The following SPRED2 variants were observed in gnomAD, a reference collection of about 807,000 sequenced individuals.
The protein encoded by SPRED2 is sprouty related EVH1 domain containing 2, also known as sprouty-related, EVH1 domain-containing protein 2.
In SPRED2, 47 loss-of-function variants were observed where a neutral mutation model predicts 43.0. That is an observed-to-expected ratio of 1.09 (90% CI 0.87 to 1.40). SPRED2 has a LOEUF of 1.40. Ranked by LOEUF, SPRED2 falls within the 40% of genes most tolerant of loss-of-function variation. SPRED2 has a pLI of 0.00. For synonymous variants in SPRED2, 225 were observed against 225.7 expected, an observed-to-expected ratio of 1.00 and a Z score of 0.03; for missense variants, 561 against 586.4, an observed-to-expected ratio of 0.96 and a Z score of 0.45.
Position 65,313,471 on chromosome 2 carries a change from C to CGGA in SPRED2, c.*27_*29dup. Reference sequence around the variant, plus strand: ...TAAGAGACGAGTTCCCCTGTGGCTGCGGATGGAGGGAGAAGGGAGGGAAAC... The same window carrying CGGA: ...TAAGAGACGAGTTCCCCTGTGGCTGCGGAGGATGGAGGGAGAAGGGAGGGAAAC... On this transcript the variant is annotated 3_prime_UTR_variant, in exon 6 of 6. Transcript: ENST00000356388. 8 of 1,570,118 alleles carry CGGA rather than the reference C, an allele frequency of 5.1e-6. No homozygotes were observed.
At chr2:65,335,174 TTACTC>T (rs1673928186) in intron 2 of SPRED2, among the ~76,000 whole-genome samples, 1 of 152,084 alleles carries the variant, frequency 6.6e-6, no homozygotes, top group Admixed American at 6.5e-5. Context: ...AAAATTAACT[TTACTC>T]TAAAATTTCT....
At chr2:65,359,037 G>A (rs1480271475) in intron 1 of SPRED2, among the ~76,000 whole-genome samples, 3 of 152,196 alleles carry the variant, frequency 2.0e-5, no homozygotes, top group African/African-American at 4.8e-5. Context: ...AAAAGGATCC[G>A]TACTGATGTT....
intron 4 of SPRED2, among the ~76,000 whole-genome samples, chr2:65,319,399 C>A (rs925101423): frequency 1.3e-5 from 2 of 152,298 alleles, no homozygotes; most frequent in African/African-American, 2.4e-5. Context: ...AATCCTGGCA[C>A]GGGTGTGGGG....
chr2:65,336,359 C>T (rs1162148835), intron 2 of SPRED2, among the ~76,000 whole-genome samples: 3 of 151,686 alleles, frequency 2.0e-5, no homozygotes, highest in Admixed American at 2.0e-4. Flanking sequence ...TCTGTCTCAA[C>T]AAAAGGAAAA....
At chr2:65,407,528 C>A (rs1676053990) in intron 1 of SPRED2, among the ~76,000 whole-genome samples, 1 of 152,020 alleles carries the variant, frequency 6.6e-6, no homozygotes, top group Non-Finnish European at 1.5e-5. Flanking sequence ...TTCCTCTCTG[C>A]AGGGGGTGGG....
intron 4 of SPRED2, 40 bp downstream of exon 4, chr2:65,331,947 C>A: frequency 6.6e-7 from 1 of 1,506,426 alleles, no homozygotes; most frequent in South Asian, 1.2e-5. Context: ...TCTGATTATT[C>A]AACAACTAAT....
intron 1 of SPRED2, among the ~76,000 whole-genome samples, chr2:65,389,606 TGTG>T (rs1482557160): frequency 1.3e-5 from 2 of 152,244 alleles, no homozygotes; most frequent in African/African-American, 4.8e-5. Flanking sequence ...GAAATGTAGA[TGTG>T]GTGCTTCTAC....
At chr2:65,428,962 TA>T (rs1182842242) in intron 1 of SPRED2, among the ~76,000 whole-genome samples, 2 of 152,210 alleles carry the variant, frequency 1.3e-5, no homozygotes, top group Non-Finnish European at 2.9e-5. Flanking sequence ...TAAAAGTCTG[TA>T]TAATTGTAAA....
At chr2:65,406,918 A>G (rs1676037433) in intron 1 of SPRED2, among the ~76,000 whole-genome samples, 1 of 151,744 alleles carries the variant, frequency 6.6e-6, no homozygotes, top group Admixed American at 6.6e-5. Context: ...GGACAGTGGA[A>G]AGTTTAGTCT....
At chr2:65,344,488 A>G (rs1450421398) in intron 2 of SPRED2, 2 of 663,214 alleles carry the variant, frequency 3.0e-6, no homozygotes, top group East Asian at 6.1e-5. Flanking sequence ...ACAGCCAAAT[A>G]TACTTCTAAG....
At chr2:65,392,986 G>C (rs535181942) in intron 1 of SPRED2, among the ~76,000 whole-genome samples, 1 of 152,274 alleles carries the variant, frequency 6.6e-6, no homozygotes, top group East Asian at 1.9e-4. Context: ...AGCAAGAAAA[G>C]GAACTTCGAG....
rs1308801413 is a variant in SPRED2, at chr2:65,419,756, A to AAAC, written c.26+12205_26+12206insGTT. 6.6e-5 allele frequency among the ~76,000 whole-genome samples: 10 copies of AAAC among 152,300 alleles called. No homozygotes were observed. The South Asian group carries it at 2.1e-3, about 32-fold the overall frequency. On this transcript the variant is annotated intron_variant, in intron 1 of 5. Transcript: ENST00000356388. ...ACAGTAATACATATGCTTGGGAGAC[A>AAAC]TTACGTATTTGGTTCACAAACAATG...
At chr2:65,415,736 AT>A (rs906025367) in intron 1 of SPRED2, among the ~76,000 whole-genome samples, 6 of 151,616 alleles carry the variant, frequency 4.0e-5, no homozygotes, top group Non-Finnish European at 8.8e-5. Flanking sequence ...TTATTTTTTA[AT>A]TTTTTTTATT....
Position 65,316,821 on chromosome 2 carries a change from G to C in SPRED2, c.501C>G (p.Ser167=). 6.2e-7 allele frequency: 1 copy of C among 1,613,860 alleles called. No individual in the cohort carries two copies. Among genetic ancestry groups the C allele is most frequent in the Non-Finnish European group, 8.5e-7 (1 of 1,179,948 alleles). Residue 167 remains serine (S), a synonymous_variant, in exon 5 of 6, where the codon TCC becomes TCG. Transcript: ENST00000356388. ...TCCGGTGCTCACAGGATGTGGGAGA[G>C]GAGATTGTCCGAGTAGGTTGCTCTC... ...QKREQPTRTI[S]SPTSCEHRRI... is the part of the protein sequence containing the mutation.
intron 1 of SPRED2, among the ~76,000 whole-genome samples, chr2:65,376,193 G>C (rs545282114): frequency 7.9e-5 from 12 of 152,292 alleles, no homozygotes; most frequent in Admixed American, 5.9e-4. Flanking sequence ...GAGGCTGTCA[G>C]CTCAGTTTAT....
chr2:65,430,866 C>CA (rs35723262), intron 1 of SPRED2, among the ~76,000 whole-genome samples: 5,271 of 146,352 alleles, frequency 0.036, 184 homozygotes, highest in African/African-American at 0.1. Flanking sequence ...GTCTTATTCA[C>CA]AAAAAAAAAA....
intron 1 of SPRED2, among the ~76,000 whole-genome samples, chr2:65,422,100 ACACACTCTCTCT>A (rs1192374633): frequency 8.9e-6 from 1 of 112,608 alleles, no homozygotes; most frequent in African/African-American, 3.2e-5. Flanking sequence ...ACACACACAC[ACACACTCTCTCT>A]CTCTCTCTCT....
chr2:65,339,749 A>T (rs527312565), intron 2 of SPRED2, among the ~76,000 whole-genome samples: 1 of 150,642 alleles, frequency 6.6e-6, no homozygotes, highest in South Asian at 2.1e-4. Context: ...AAAAAAAAAG[A>T]AAGTGAAAGA....
chr2:65,348,450 T>C (rs749167830), intron 1 of SPRED2, among the ~76,000 whole-genome samples: 2 of 152,106 alleles, frequency 1.3e-5, no homozygotes, highest in African/African-American at 4.8e-5. Context: ...GTGTCTTATA[T>C]GTAACAGGTT....
Sources: allele counts gnomAD v4.1 joint callset (sites outside exome capture counted in the v4.1 genomes callset), GRCh38; gene constraint gnomAD v4.1.1; transcripts MANE v1.5; gene names NCBI Gene and HGNC (gene_info 2026-07-23, HGNC 2026-07-21).